OTOP1: variants seen among roughly 807,000 people sequenced by gnomAD.
OTOP1 encodes the protein otopetrin 1.
A neutral mutation model predicts 52.9 loss-of-function variants in OTOP1; 59 were observed. The ratio of observed to expected loss-of-function variants is 1.12; its 90% CI spans 0.91 to 1.39. The LOEUF is 1.39. Among genes scored for constraint, OTOP1 ranks in the 40% most tolerant of loss-of-function variants. The probability of loss-of-function intolerance (pLI) is 0.00; values close to 1 mark genes in which losing one functional copy is unlikely to be tolerated. For missense variants in OTOP1, 761 were observed against 800.9 expected (o/e 0.95, Z 0.60); for synonymous variants, 317 against 337.7 (o/e 0.94, Z 0.67).
chr4:4,210,157 G>A (rs1716992977), intron 2 of OTOP1, among the ~76,000 whole-genome samples: 1 of 152,160 alleles, frequency 6.6e-6, no homozygotes, highest in African/African-American at 2.4e-5. Context: ...TCCCCATGCT[G>A]AGAACAATAT....
intron 4 of OTOP1, among the ~76,000 whole-genome samples, chr4:4,200,261 C>T (rs1277316976): frequency 3.9e-5 from 6 of 151,908 alleles, no homozygotes; most frequent in Non-Finnish European, 7.4e-5. Context: ...TTTGGAAGGC[C>T]GAGGCGGGCG....
intron 1 of OTOP1, among the ~76,000 whole-genome samples, chr4:4,220,145 C>G (rs1371804892): frequency 5.9e-5 from 8 of 135,272 alleles, no homozygotes; most frequent in Non-Finnish European, 9.2e-5. Flanking sequence ...TCTTGTCGGC[C>G]AGGCTGGAGT....
chr4:4,205,329 C>A (rs935939259), intron 3 of OTOP1, among the ~76,000 whole-genome samples: 1 of 152,158 alleles, frequency 6.6e-6, no homozygotes, highest in African/African-American at 2.4e-5. Flanking sequence ...GATTATCAAG[C>A]GGCAGAAGGT....
At chr4:4,216,092 C>A (rs1465289065) in intron 1 of OTOP1, among the ~76,000 whole-genome samples, 1 of 151,936 alleles carries the variant, frequency 6.6e-6, no homozygotes, top group Non-Finnish European at 1.5e-5. Context: ...AGTCACTGAG[C>A]CCGGCTGAAA....
At chr4:4,195,494 C>T (rs895068735) in intron 5 of OTOP1, among the ~76,000 whole-genome samples, 5 of 152,154 alleles carry the variant, frequency 3.3e-5, no homozygotes, top group African/African-American at 9.7e-5. Context: ...ACCAGCCCTT[C>T]CCCACTGCTT....
At position 4,226,769 on chromosome 4, in the gene OTOP1, C is replaced by A; in HGVS notation, c.96G>T (p.Ser32=). 1.5e-6 allele frequency: 2 copies of A among 1,378,306 alleles called. No individual in the cohort carries two copies. Among genetic ancestry groups the A allele is most frequent in the South Asian group, 1.7e-5 (1 of 60,014 alleles). The allele number at this position is 1,378,306 out of a possible 1,614,324, so 85.4% of individuals were successfully genotyped here. Residue 32 remains serine (S), a synonymous_variant, in exon 1 of 6, where the codon TCG becomes TCT. Coordinates refer to ENST00000296358, the MANE Select transcript of OTOP1 (RefSeq NM_177998.3). ...SSGPAACSPP[S]SSAPRSPESP... ...ATTCCGGGGACCTCGGGGCCGAGGA[C>A]GAGGGAGGCGAGCAGGCCGCTGGCC... is the stretch of plus-strand genomic sequence containing the variant.
At chr4:4,210,836 AT>A in intron 2 of OTOP1, among the ~76,000 whole-genome samples, 1 of 152,312 alleles carries the variant, frequency 6.6e-6, no homozygotes, top group Non-Finnish European at 1.5e-5. Context: ...TCTCAAAAAA[AT>A]AAAAAACAAA....
chr4:4,223,575 GAGCAGAAGGAGA>G (rs1717351348), intron 1 of OTOP1, among the ~76,000 whole-genome samples: 1 of 150,832 alleles, frequency 6.6e-6, no homozygotes, highest in East Asian at 1.9e-4. Flanking sequence ...GAAGAAGGAG[GAGCAGAAGGAGA>G]AGGAGAAGGA....
intron 3 of OTOP1, among the ~76,000 whole-genome samples, chr4:4,203,402 G>A (rs1260912435): frequency 6.6e-6 from 1 of 152,222 alleles, no homozygotes; most frequent in Non-Finnish European, 1.5e-5. Flanking sequence ...ACTCAAGAAT[G>A]AGCCCATGGT....
intron 2 of OTOP1, among the ~76,000 whole-genome samples, chr4:4,207,386 C>A (rs1991914): frequency 0.67 from 102,085 of 152,042 alleles, 34,845 homozygotes; most frequent in African/African-American, 0.76. Flanking sequence ...TACACCCACA[C>A]ACTTTGAGAA....
Position 4,197,159 on chromosome 4 carries a change from A to T in OTOP1, c.1668+7T>A, listed in dbSNP as rs745359540. The T allele has an allele frequency of 5.6e-6, 9 of 1,593,100 alleles. No individual in the cohort carries two copies. The highest frequency in any genetic ancestry group is 7.7e-6 in the Non-Finnish European group (9 of 1,168,270). ...TAAAAGAATAAGAATAACTTGGTGC[A>T]GATTACCGAAATATTGCAGAGGAAC... On this transcript the variant is annotated splice_region_variant and intron_variant, in intron 5 of 5. Coordinates refer to ENST00000296358, the MANE Select transcript of OTOP1 (RefSeq NM_177998.3).
chr4:4,202,939 A>G (rs1475380566), intron 3 of OTOP1, among the ~76,000 whole-genome samples: 1 of 152,160 alleles, frequency 6.6e-6, no homozygotes, highest in Non-Finnish European at 1.5e-5. Flanking sequence ...AAGGAAGAGG[A>G]GAGGAGAGAA....
chr4:4,206,551 G>A (rs1036845097), intron 2 of OTOP1, among the ~76,000 whole-genome samples: 1 of 152,192 alleles, frequency 6.6e-6, no homozygotes, highest in Non-Finnish European at 1.5e-5. Flanking sequence ...AATGTTGAGA[G>A]CTTTAAATAA....
intron 3 of OTOP1, among the ~76,000 whole-genome samples, chr4:4,203,760 T>C (rs1716839679): frequency 6.6e-6 from 1 of 152,214 alleles, no homozygotes; most frequent in Non-Finnish European, 1.5e-5. Context: ...AGGTATTCTT[T>C]AAAACTTTCT....
intron 1 of OTOP1, among the ~76,000 whole-genome samples, chr4:4,217,899 G>A (rs541350518): frequency 6.6e-6 from 1 of 152,280 alleles, no homozygotes; most frequent in South Asian, 2.1e-4. Context: ...CAACTTTGTG[G>A]AAAGCTGGAG....
chr4:4,218,700 G>T (rs1310161170), intron 1 of OTOP1, among the ~76,000 whole-genome samples: 1 of 152,106 alleles, frequency 6.6e-6, no homozygotes, highest in African/African-American at 2.4e-5. Flanking sequence ...GGCCAAGATG[G>T]GTGGAACACT....
chr4:4,197,964 C>T lies in OTOP1; in HGVS notation c.870G>A (p.Lys290=). 1 of 1,614,054 alleles carries T rather than the reference C, an allele frequency of 6.2e-7. No individual in the cohort carries two copies. Among genetic ancestry groups the T allele is most frequent in the Non-Finnish European group, 8.5e-7 (1 of 1,180,028 alleles). The stretch of plus-strand genomic sequence containing the variant: ...GGCTGTCAACTTTGCGCCCGATGTT[C>T]TTCCACAGGACGTAGAGCATTGTGG... ...LASTMLYVLW[K]NIGRKVDSHQ... Residue 290 remains lysine, a synonymous_variant, in exon 5 of 6, where the codon AAG becomes AAA. Coordinates refer to ENST00000296358, the MANE Select transcript of OTOP1 (RefSeq NM_177998.3).
chr4:4,211,979 C>A (rs1717035498), intron 2 of OTOP1, among the ~76,000 whole-genome samples: 1 of 151,908 alleles, frequency 6.6e-6, no homozygotes, highest in Non-Finnish European at 1.5e-5. Flanking sequence ...AGGTGCCTTA[C>A]CATACCCAAA....
rs1267842180 is a variant in OTOP1, at chr4:4,197,819, A to G, written c.1015T>C (p.Ser339Pro). 4 of 1,613,752 alleles carry G rather than the reference A, an allele frequency of 2.5e-6. No individual in the cohort carries two copies. Among genetic ancestry groups the G allele is most frequent in the Non-Finnish European group, 3.4e-6 (4 of 1,179,994 alleles). Residue 339 changes from serine to proline, a missense_variant, in exon 5 of 6, where the codon TCC becomes CCC. Ser to Pro is a moderately conservative substitution (Grantham distance 74, BLOSUM62 -1). Coordinates refer to ENST00000296358, the MANE Select transcript of OTOP1 (RefSeq NM_177998.3). Reference sequence around the variant, plus strand: ...AGTGCCGACTCGCTCTTGGTCTTGGAGCGCCCAATATGAATCAGGTATACC... The same window carrying G: ...AGTGCCGACTCGCTCTTGGTCTTGGGGCGCCCAATATGAATCAGGTATACC... ...VVVYLIHIGR[S>P]KTKSESALIM... is the part of the protein sequence containing the mutation.
Sources: gnomAD v4.1 joint callset for allele counts (sites outside exome capture counted in the v4.1 genomes callset) on GRCh38, gnomAD v4.1.1 for gene constraint, MANE v1.5 for transcripts, NCBI Gene and HGNC (gene_info 2026-07-23, HGNC 2026-07-21) for gene names.